CRCP: variants seen among roughly 807,000 people sequenced by gnomAD.
CRCP encodes the protein DNA-directed RNA polymerase III subunit RPC9.
Under a neutral mutation model 18.5 loss-of-function variants are expected in CRCP, and 18 were observed. The observed-to-expected ratio is 0.97, with a 90% CI of 0.67 to 1.44. CRCP has a LOEUF of 1.44. Among genes scored for constraint, CRCP ranks in the 40% most tolerant of loss-of-function variants. The probability of loss-of-function intolerance (pLI) is 0.00; values close to 1 mark genes in which losing one functional copy is unlikely to be tolerated. For synonymous variants in CRCP, 53 were observed against 62.9 expected, an observed-to-expected ratio of 0.84 and a Z score of 0.75; for missense variants, 130 against 176.4, an observed-to-expected ratio of 0.74 and a Z score of 1.49.
intron 1 of CRCP, among the ~76,000 whole-genome samples, chr7:66,126,143 C>T (rs1305708878): frequency 6.7e-6 from 1 of 149,442 alleles, no homozygotes; most frequent in African/African-American, 2.4e-5. Flanking sequence ...TCACTGGTAG[C>T]ATTTGGTAAG....
At chr7:66,123,917 C>G (rs551638375) in intron 1 of CRCP, among the ~76,000 whole-genome samples, 1 of 145,982 alleles carries the variant, frequency 6.9e-6, no homozygotes, top group Admixed American at 6.9e-5. Context: ...TGGTGGCTGG[C>G]GCCTGTAGTC....
rs903909123 is a variant in CRCP, at chr7:66,154,158, A to G, written c.*1801A>G. The G allele has an allele frequency of 6.6e-6, 1 of 150,982 alleles. No homozygotes were observed. Among genetic ancestry groups the G allele is most frequent in the East Asian group, 1.9e-4 (1 of 5,148 alleles). 9.4% of individuals were successfully genotyped at this position (150,982 alleles called of 1,614,324 possible). A position where few individuals can be genotyped will look rare whatever the true frequency, so the allele number is the denominator to read the frequency against. On this transcript the variant is annotated 3_prime_UTR_variant, in exon 6 of 6. Coordinates refer to ENST00000395326, the MANE Select transcript of CRCP (RefSeq NM_014478.5). ...TATTTCTCAGGGCATACATGTGCCA[A>G]TCTGTCTCATTGTTGTCTCTCTCTT...
At chr7:66,124,583 A>C (rs1787563979) in intron 1 of CRCP, among the ~76,000 whole-genome samples, 1 of 141,412 alleles carries the variant, frequency 7.1e-6, no homozygotes, top group Admixed American at 7.7e-5. Context: ...GATTAGAGAC[A>C]CTTGAGCCCA....
intron 4 of CRCP, among the ~76,000 whole-genome samples, chr7:66,141,483 G>A: frequency 6.6e-6 from 1 of 152,104 alleles, no homozygotes; most frequent in East Asian, 1.9e-4. Context: ...GAGATTTTGA[G>A]GCCTGGGTGA....
At chr7:66,128,757 G>T (rs1254576377) in intron 2 of CRCP, 1 of 152,234 alleles carries the variant, frequency 6.6e-6, no homozygotes, top group African/African-American at 2.4e-5. Flanking sequence ...AGGTTGGTAA[G>T]AGAGGAGATA....
At chr7:66,119,916 C>A (rs1338162877) in intron 1 of CRCP, among the ~76,000 whole-genome samples, 1 of 152,142 alleles carries the variant, frequency 6.6e-6, no homozygotes, top group Non-Finnish European at 1.5e-5. Context: ...CAGCCCGGTG[C>A]TCATGCCTGT....
At chr7:66,116,173 G>A (rs1787255967) in intron 1 of CRCP, among the ~76,000 whole-genome samples, 2 of 152,160 alleles carry the variant, frequency 1.3e-5, no homozygotes, top group South Asian at 2.1e-4. Context: ...AATGTGTGGC[G>A]TACACTCTCA....
Position 66,145,230 on chromosome 7 carries a change from A to G in CRCP, c.240-213A>G, listed in dbSNP as rs1013143174. Among the ~76,000 whole-genome samples the G allele has an allele frequency of 6.6e-6, 1 of 152,152 alleles. No homozygotes were observed. The highest frequency in any genetic ancestry group is 1.5e-5 in the Non-Finnish European group (1 of 68,014). On this transcript the variant is annotated intron_variant, in intron 4 of 5. Coordinates refer to ENST00000395326, the MANE Select transcript of CRCP (RefSeq NM_014478.5). ...ATGCCCTGCTGCTTTGTTTCCTACA[A>G]TCATGCCTCTGATACCCATTCGTAC...
intron 2 of CRCP, among the ~76,000 whole-genome samples, chr7:66,129,254 A>AC: frequency 6.6e-6 from 1 of 152,224 alleles, no homozygotes; most frequent in South Asian, 2.1e-4. Context: ...AATGGCGTGA[A>AC]CCCGGGGGGT....
At chr7:66,143,284 G>A (rs148686129) in intron 4 of CRCP, among the ~76,000 whole-genome samples, 33 of 152,240 alleles carry the variant, frequency 2.2e-4, no homozygotes, top group Non-Finnish European at 4.3e-4. Flanking sequence ...TTCCCAAATC[G>A]CTGCCAGCAC....
Position 66,114,877 on chromosome 7 carries a change from C to T in CRCP, c.-86C>T, listed in dbSNP as rs755413521. On this transcript the variant is annotated 5_prime_UTR_variant, in exon 1 of 6. Transcript: ENST00000395326. Reference sequence around the variant, plus strand: ...GCACCTTGGCGCGCGGAGCTGGCACCTTGGCGCTGTTGGTGGCGGCGGAGA... The same window carrying T: ...GCACCTTGGCGCGCGGAGCTGGCACTTTGGCGCTGTTGGTGGCGGCGGAGA... 4.2e-5 allele frequency: 68 copies of T among 1,608,500 alleles called. No homozygotes were observed. Among genetic ancestry groups the T allele is most frequent in the Non-Finnish European group, 5.2e-5 (61 of 1,175,720 alleles).
chr7:66,118,952 G>A (rs1008103452), intron 1 of CRCP, among the ~76,000 whole-genome samples: 1 of 152,172 alleles, frequency 6.6e-6, no homozygotes, highest in Non-Finnish European at 1.5e-5. Flanking sequence ...CAGAAGCTCT[G>A]TCTGTCTCTT....
At chr7:66,145,529 G>C (rs977875951) in intron 5 of CRCP, 29 bp downstream of exon 5, 5 of 1,612,740 alleles carry the variant, frequency 3.1e-6, no homozygotes, top group Non-Finnish European at 4.2e-6. Flanking sequence ...TGCTGGGGAG[G>C]CTGCTGTGGG....
chr7:66,136,554 G>A (rs150451494), intron 4 of CRCP, among the ~76,000 whole-genome samples: 211 of 149,818 alleles, frequency 1.4e-3, no homozygotes, highest in African/African-American at 5.0e-3. Flanking sequence ...AGTAGAGATG[G>A]GGTTTCACTC....
intron 4 of CRCP, among the ~76,000 whole-genome samples, chr7:66,137,389 T>C (rs1034292603): frequency 2.0e-5 from 3 of 151,982 alleles, no homozygotes; most frequent in Non-Finnish European, 4.4e-5. Context: ...CAGAAAGTCG[T>C]GGTATTTGCA....
chr7:66,130,310 T>C, intron 2 of CRCP: 1 of 204,906 alleles, frequency 4.9e-6, no homozygotes, highest in Non-Finnish European at 1.0e-5. Flanking sequence ...TTCACCGTGT[T>C]AGCCAGGATG....
Position 66,123,747 on chromosome 7 carries a change from C to A in CRCP, c.9-3957C>A, listed in dbSNP as rs1432880287. Among the ~76,000 whole-genome samples the A allele has an allele frequency of 6.3e-5, 5 of 79,866 alleles. No homozygotes were observed. The Admixed American group carries it at 6.3e-4, about 10-fold the overall frequency. 52.4% of individuals were successfully genotyped at this position (79,866 alleles called of 152,430 possible). On this transcript the variant is annotated intron_variant, in intron 1 of 5. Transcript: ENST00000395326. ...TGGGCAACAAGAGCGAAACTCTTGT[C>A]TCAAAAAAAAAAAAAGGTGGGGGGG...
At chr7:66,127,290 C>T (rs1787643234) in intron 1 of CRCP, among the ~76,000 whole-genome samples, 1 of 152,212 alleles carries the variant, frequency 6.6e-6, no homozygotes, top group African/African-American at 2.4e-5. Context: ...CTGACTGTAC[C>T]TGTTGAGTTG....
chr7:66,138,024 C>T (rs926970598), intron 4 of CRCP, among the ~76,000 whole-genome samples: 1 of 152,170 alleles, frequency 6.6e-6, no homozygotes, highest in African/African-American at 2.4e-5. Flanking sequence ...CTGAAGTGCC[C>T]TGCGTCCTTT....
Sources: allele counts gnomAD v4.1 joint callset (sites outside exome capture counted in the v4.1 genomes callset), GRCh38; gene constraint gnomAD v4.1.1; transcripts MANE v1.5; gene names NCBI Gene and HGNC (gene_info 2026-07-23, HGNC 2026-07-21).